NDUFAF2: variants seen among roughly 807,000 people sequenced by gnomAD.
NDUFAF2 encodes the protein NADH:ubiquinone oxidoreductase complex assembly factor 2.
NDUFAF2 carries 13 observed loss-of-function variants against 22.8 expected under a neutral mutation model. The observed-to-expected ratio is 0.57, with a 90% CI of 0.37 to 0.91. NDUFAF2 has a LOEUF of 0.91. Ranked by LOEUF, NDUFAF2 falls within the 40% of genes least tolerant of loss-of-function variation. The pLI is 0.01. For synonymous variants in NDUFAF2, 53 were observed against 64.2 expected (o/e 0.83, Z 0.84); for missense variants, 162 against 195.2 (o/e 0.83, Z 1.01).
At chr5:61,127,635 G>A (rs1479211182) in intron 3 of NDUFAF2, among the ~76,000 whole-genome samples, 4 of 152,020 alleles carry the variant, frequency 2.6e-5, no homozygotes, top group African/African-American at 9.7e-5. Flanking sequence ...GTATTGATGG[G>A]ACGTATCTCA....
At chr5:61,082,119 G>A (rs568625203) in intron 2 of NDUFAF2, among the ~76,000 whole-genome samples, 2 of 152,244 alleles carry the variant, frequency 1.3e-5, no homozygotes, top group Admixed American at 1.3e-4. Flanking sequence ...TAAAAACAAC[G>A]ATTCACAGGA....
chr5:61,115,151 C>A (rs939426838), intron 3 of NDUFAF2: 1 of 152,532 alleles, frequency 6.6e-6, no homozygotes, highest in Non-Finnish European at 1.5e-5. Flanking sequence ...CTCTTCTCTC[C>A]CCTTTCCACA....
At chr5:60,967,536 T>A (rs1353361085) in intron 1 of NDUFAF2, among the ~76,000 whole-genome samples, 1 of 151,002 alleles carries the variant, frequency 6.6e-6, no homozygotes, top group Non-Finnish European at 1.5e-5. Context: ...TGTTGGAAGT[T>A]TTTTTTTTAT....
At chr5:61,037,992 AC>A (rs1034518912) in intron 1 of NDUFAF2, among the ~76,000 whole-genome samples, 1 of 147,902 alleles carries the variant, frequency 6.8e-6, no homozygotes, top group African/African-American at 2.5e-5. Flanking sequence ...ATTAGGAAAG[AC>A]ATGACAGCAT....
intron 3 of NDUFAF2, among the ~76,000 whole-genome samples, chr5:61,136,829 T>C (rs1174841063): frequency 1.3e-5 from 2 of 152,050 alleles, no homozygotes; most frequent in African/African-American, 4.8e-5. Flanking sequence ...GAAGCTGGGG[T>C]ATTTATCCAC....
intron 1 of NDUFAF2, among the ~76,000 whole-genome samples, chr5:61,048,998 T>G (rs984853472): frequency 2.0e-5 from 3 of 152,126 alleles, no homozygotes; most frequent in African/African-American, 7.2e-5. Context: ...CATCATCTGT[T>G]GGGGCCAAGG....
intron 1 of NDUFAF2, among the ~76,000 whole-genome samples, chr5:61,041,000 A>G (rs1221009555): frequency 5.3e-5 from 8 of 152,162 alleles, no homozygotes; most frequent in Non-Finnish European, 1.2e-4. Flanking sequence ...TTTTGCTCCA[A>G]TATTATAGAG....
intron 1 of NDUFAF2, among the ~76,000 whole-genome samples, chr5:60,990,774 T>A (rs930183833): frequency 3.6e-4 from 55 of 152,220 alleles, no homozygotes; most frequent in African/African-American, 1.3e-3. Context: ...AGATGAAAGA[T>A]AAATCATTAT....
At chr5:61,113,465 T>G (rs1427437182) in intron 3 of NDUFAF2, among the ~76,000 whole-genome samples, 1 of 152,182 alleles carries the variant, frequency 6.6e-6, no homozygotes, top group African/African-American at 2.4e-5. Context: ...CCCACCCAAA[T>G]CTCATCTTGC....
chr5:60,959,440 G>T (rs1205359209), intron 1 of NDUFAF2, among the ~76,000 whole-genome samples: 2 of 151,828 alleles, frequency 1.3e-5, no homozygotes, highest in Admixed American at 6.6e-5. Context: ...TGATAATATG[G>T]ATCATTCCTA....
At chr5:60,961,754 A>G (rs1396619306) in intron 1 of NDUFAF2, among the ~76,000 whole-genome samples, 1 of 140,584 alleles carries the variant, frequency 7.1e-6, no homozygotes, top group African/African-American at 2.6e-5. Context: ...CAACAGAAGG[A>G]GACTCTGTCT....
At chr5:60,979,055 C>G (rs1381519224) in intron 1 of NDUFAF2, among the ~76,000 whole-genome samples, 2 of 152,182 alleles carry the variant, frequency 1.3e-5, no homozygotes, top group African/African-American at 4.8e-5. Context: ...CTAGACACAT[C>G]CTAGGCCAGA....
chr5:60,984,352 A>T (rs895286530), intron 1 of NDUFAF2, among the ~76,000 whole-genome samples: 2 of 152,100 alleles, frequency 1.3e-5, no homozygotes, highest in Non-Finnish European at 2.9e-5. Flanking sequence ...AACAGGGACA[A>T]TTTGACTTCC....
intron 3 of NDUFAF2, among the ~76,000 whole-genome samples, chr5:61,126,897 C>T (rs1380822773): frequency 6.6e-6 from 1 of 151,690 alleles, no homozygotes; most frequent in Non-Finnish European, 1.5e-5. Context: ...ACTAGCAAGA[C>T]TAATGAAGAA....
intron 1 of NDUFAF2, among the ~76,000 whole-genome samples, chr5:60,962,642 C>T (rs1336425377): frequency 2.0e-5 from 3 of 152,014 alleles, no homozygotes; most frequent in Non-Finnish European, 1.5e-5. Flanking sequence ...ACCATCCTGG[C>T]TAACACGGTG....
intron 1 of NDUFAF2, among the ~76,000 whole-genome samples, chr5:61,055,419 T>C (rs937608083): frequency 6.6e-6 from 1 of 152,216 alleles, no homozygotes; most frequent in Non-Finnish European, 1.5e-5. Flanking sequence ...CTACAGGTTT[T>C]TGAAAGGAGA....
chr5:61,104,229 CTT>C (rs1667846049), intron 3 of NDUFAF2, among the ~76,000 whole-genome samples: 1 of 152,106 alleles, frequency 6.6e-6, no homozygotes, highest in African/African-American at 2.4e-5. Flanking sequence ...ATGAGGTAGA[CTT>C]TTCCTAGTCC....
intron 1 of NDUFAF2, among the ~76,000 whole-genome samples, chr5:61,014,239 G>A (rs1349667288): frequency 1.3e-5 from 2 of 152,182 alleles, no homozygotes; most frequent in African/African-American, 4.8e-5. Context: ...CCTATTTAAT[G>A]AGACCTCCGT....
chr5:60,965,731 G>A (rs1750750844), intron 1 of NDUFAF2, among the ~76,000 whole-genome samples: 2 of 151,962 alleles, frequency 1.3e-5, no homozygotes, highest in African/African-American at 4.8e-5. Flanking sequence ...GAGTTCCATT[G>A]TGTATATATA....
Sources: allele counts gnomAD v4.1 joint callset (sites outside exome capture counted in the v4.1 genomes callset), GRCh38; gene constraint gnomAD v4.1.1; transcripts MANE v1.5; gene names NCBI Gene and HGNC (gene_info 2026-07-23, HGNC 2026-07-21).